COX5B: variants seen among roughly 807,000 people sequenced by gnomAD.
COX5B encodes cytochrome c oxidase subunit 5B, mitochondrial.
A neutral mutation model predicts 16.2 loss-of-function variants in COX5B; 8 were observed. The ratio of observed to expected loss-of-function variants is 0.49; its 90% CI spans 0.29 to 0.89. COX5B has a LOEUF of 0.89. COX5B is among the 40% of genes least tolerant of loss of function. COX5B has a pLI of 0.08. For missense variants in COX5B, 161 were observed against 168.7 expected, an observed-to-expected ratio of 0.95 and a Z score of 0.25; for synonymous variants, 65 against 67.6, an observed-to-expected ratio of 0.96 and a Z score of 0.19.
Position 97,648,338 on chromosome 2 carries a change from A to C in COX5B, c.*230A>C. The C allele has an allele frequency of 2.2e-6, 1 of 449,880 alleles. No individual in the cohort carries two copies. The allele number at this position is 449,880 out of a possible 1,614,324, so 27.9% of individuals were successfully genotyped here. Reference sequence around the variant, plus strand: ...TATAGTGCTTAGATTAATAATAAGAATAGATCGACAACCCGTAATGCAATG... The same window carrying C: ...TATAGTGCTTAGATTAATAATAAGACTAGATCGACAACCCGTAATGCAATG... On this transcript the variant is annotated 3_prime_UTR_variant, in exon 4 of 4. Coordinates refer to ENST00000258424, the MANE Select transcript of COX5B (RefSeq NM_001862.3).
In COX5B at chr2:97,647,450, A is replaced by G. The variant is rs375680812; in HGVS notation, c.277+7A>G. ...AGAATAGTAGGCTGCATCTGTAAGT[A>G]CCTCACCTCTATTTTTTATCCACTT... On this transcript the variant is annotated splice_region_variant and intron_variant, in intron 3 of 3. Transcript: ENST00000258424. 6 of 1,602,148 alleles carry G rather than the reference A, an allele frequency of 3.7e-6. No individual in the cohort carries two copies. Among genetic ancestry groups the G allele is most frequent in the Non-Finnish European group, 5.1e-6 (6 of 1,170,624 alleles).
At chr2:97,647,280 T>G in intron 2 of COX5B, 64 bp from the exon 3 acceptor site, 8 of 1,552,144 alleles carry the variant, frequency 5.2e-6, no homozygotes, top group Admixed American at 1.7e-5. Flanking sequence ...AGGTAGGGCT[T>G]ATTTGGCCTA....
In COX5B at chr2:97,647,079, C is replaced by G. The variant is rs763615318; in HGVS notation, c.116C>G (p.Thr39Ser). The change falls in exon 2 of 4, where the codon ACT becomes AGT. Residue 39 changes from threonine to serine, a missense_variant. Physicochemically the swap from Thr to Ser is moderately conservative, Grantham distance 58. Transcript: ENST00000258424. ...TATCTTCCTTTAGGTGGTGTTCCCA[C>G]TGATGAAGAGCAGGCGACTGGGTTG... ...RSMASGGGVP[T>S]DEEQATGLER... 3.8e-5 allele frequency: 62 copies of G among 1,613,982 alleles called. No individual in the cohort carries two copies. Among genetic ancestry groups the G allele is most frequent in the Non-Finnish European group, 5.2e-5 (61 of 1,180,002 alleles).
chr2:97,648,261 C>T lies in COX5B; in HGVS notation c.*153C>T. The T allele has an allele frequency of 1.5e-6, 1 of 676,392 alleles. No homozygotes were observed. Among genetic ancestry groups the T allele is most frequent in the Non-Finnish European group, 2.5e-6 (1 of 407,162 alleles). 41.9% of individuals were successfully genotyped at this position (676,392 alleles called of 1,614,324 possible). A position where few individuals can be genotyped will look rare whatever the true frequency, so the allele number is the denominator to read the frequency against. On this transcript the variant is annotated 3_prime_UTR_variant, in exon 4 of 4. Coordinates refer to ENST00000258424, the MANE Select transcript of COX5B (RefSeq NM_001862.3). ...TGGAATATGCTTATTTTGGGAAAAGCTGTCTGTTAATGCTAGCTTGCCATC... is the reference window on the plus strand; with the variant it reads ...TGGAATATGCTTATTTTGGGAAAAGTTGTCTGTTAATGCTAGCTTGCCATC...
chr2:97,647,533 A>C (rs988308254), intron 3 of COX5B, 90 bp downstream of exon 3: 5 of 1,120,726 alleles, frequency 4.5e-6, no homozygotes, highest in Admixed American at 2.0e-5. Flanking sequence ...GTGTGAGTGC[A>C]TGTTGGTAAG....
intron 2 of COX5B, 29 bp downstream of exon 2, chr2:97,647,169 T>G (rs1370634197): frequency 4.4e-6 from 7 of 1,608,868 alleles, no homozygotes; most frequent in Non-Finnish European, 5.1e-6. Context: ...CTGTGTCTTC[T>G]GTGTAACTTA....
At position 97,646,171 on chromosome 2, in the gene COX5B, C is replaced by A. The variant is rs901806223; in HGVS notation, c.85C>A (p.Arg29Ser). Residue 29 changes from arginine (R) to serine (S), a missense_variant, in exon 1 of 4, where the codon CGC (arginine) becomes AGC (serine). Physicochemically the swap from Arg to Ser is moderately radical, Grantham distance 110. Transcript: ENST00000258424. ...CGGCCCCAGTGGCGCGGCCGCGATG[C>A]GCTCCATGGCATCTGGAGGTACTCG... ...ARGPSGAAAM[R>S]SMASGGGVPT... The A allele has an allele frequency of 7.7e-6, 12 of 1,548,998 alleles. No homozygotes were observed. Among genetic ancestry groups the A allele is most frequent in the Non-Finnish European group, 2.6e-6 (3 of 1,145,700 alleles).
chr2:97,647,331 G>GT lies in COX5B; in HGVS notation c.178-7dup, dbSNP rs886891653. The GT allele has an allele frequency of 1.9e-6, 3 of 1,601,796 alleles. No homozygotes were observed. Among genetic ancestry groups the GT allele is most frequent in the Admixed American group, 1.8e-5 (1 of 57,098 alleles). On this transcript the variant is annotated splice_polypyrimidine_tract_variant and intron_variant, in intron 2 of 3. Transcript: ENST00000258424. Reference sequence around the variant, plus strand: ...TTTTTTTTGTTTTGTTTTGTTTTTTGTTTTTTCTTCAGGACCCATACAATG... The same window carrying GT: ...TTTTTTTTGTTTTGTTTTGTTTTTTGTTTTTTTCTTCAGGACCCATACAATG...
At position 97,646,076 on chromosome 2, in the gene COX5B, T is replaced by G; in HGVS notation, c.-11T>G. 6.4e-7 allele frequency: 1 copy of G among 1,551,018 alleles called. No individual in the cohort carries two copies. The highest frequency in any genetic ancestry group is 8.7e-7 in the Non-Finnish European group (1 of 1,145,996). On this transcript the variant is annotated 5_prime_UTR_variant, in exon 1 of 4. Coordinates refer to ENST00000258424, the MANE Select transcript of COX5B (RefSeq NM_001862.3). ...TTGTTCCCGGAAGTTTTGCTGCTAG[T>G]CGCGGACGCAATGGCTTCAAGGTTA... is the stretch of plus-strand genomic sequence containing the variant.
Position 97,647,978 on chromosome 2 carries a change from AC to A in COX5B, c.278-16del. ...TTTCTAGGTTGGATGACCATAAACC[AC>A]CTTTTTTCCCTTTTAGGTGAAGAGG... On this transcript the variant is annotated splice_polypyrimidine_tract_variant and intron_variant, in intron 3 of 3. Coordinates refer to ENST00000258424, the MANE Select transcript of COX5B (RefSeq NM_001862.3). 6.2e-7 allele frequency: 1 copy of A among 1,611,044 alleles called. No homozygotes were observed. Among genetic ancestry groups the A allele is most frequent in the Non-Finnish European group, 8.5e-7 (1 of 1,178,596 alleles).
Position 97,646,101 on chromosome 2 carries a change from A to G in COX5B, c.15A>G (p.Leu5=). Residue 5 remains leucine, a synonymous_variant, in exon 1 of 4, where the codon TTA becomes TTG. Coordinates refer to ENST00000258424, the MANE Select transcript of COX5B (RefSeq NM_001862.3). MASR[L]LRGAGTLAAQ... Reference sequence around the variant, plus strand: ...TCGCGGACGCAATGGCTTCAAGGTTACTTCGCGGAGCTGGAACGCTGGCCG... The same window carrying G: ...TCGCGGACGCAATGGCTTCAAGGTTGCTTCGCGGAGCTGGAACGCTGGCCG... 1 of 1,556,172 alleles carries G rather than the reference A, an allele frequency of 6.4e-7. No homozygotes were observed. The highest frequency in any genetic ancestry group is 2.4e-5 in the East Asian group (1 of 41,288).
intron 1 of COX5B, chr2:97,646,507 A>C (rs1674656353): frequency 9.2e-6 from 3 of 325,648 alleles, no homozygotes; most frequent in Non-Finnish European, 1.7e-5. Context: ...TGGGTTCTAC[A>C]TGCTTTTAGA....
Position 97,647,406 on chromosome 2 carries a change from C to T in COX5B, c.240C>T (p.Val80=), listed in dbSNP as rs1012294517. ...ASGTREDPNL[V]PSISNKRIVG... ...GCACCAGGGAAGACCCTAATTTAGTCCCCTCCATCTCCAACAAGAGAATAG... is the reference window on the plus strand; with the variant it reads ...GCACCAGGGAAGACCCTAATTTAGTTCCCTCCATCTCCAACAAGAGAATAG... Residue 80 remains valine, a synonymous_variant, in exon 3 of 4, where the codon GTC becomes GTT. Coordinates refer to ENST00000258424, the MANE Select transcript of COX5B (RefSeq NM_001862.3). 7 of 1,613,988 alleles carry T rather than the reference C, an allele frequency of 4.3e-6. No individual in the cohort carries two copies. In the Middle Eastern group the frequency reaches 4.9e-4, roughly 114 times the overall value.
chr2:97,647,305 G>T (rs750051222), intron 2 of COX5B, 39 bp from the exon 3 acceptor site: 3 of 1,586,678 alleles, frequency 1.9e-6, no homozygotes, highest in African/African-American at 1.4e-5. Context: ...TTCAATTCTT[G>T]TTTTTTTTGT....
intron 2 of COX5B, 84 bp downstream of exon 2, chr2:97,647,224 G>A: frequency 1.3e-6 from 2 of 1,542,584 alleles, no homozygotes; most frequent in East Asian, 2.2e-5. Context: ...GGGAGTATTT[G>A]ATACAGGAAA....
intron 1 of COX5B, chr2:97,646,489 A>C: frequency 2.6e-6 from 1 of 383,892 alleles, no homozygotes. Flanking sequence ...CGCCCACCTC[A>C]AGCAGAGTGG....
intron 1 of COX5B, chr2:97,646,568 C>T: frequency 4.6e-6 from 1 of 217,344 alleles, no homozygotes; most frequent in Non-Finnish European, 9.3e-6. Context: ...AGCTCATAGG[C>T]CGGGCGCGGT....
intron 1 of COX5B, chr2:97,646,773 G>T (rs1573173925): frequency 6.9e-6 from 2 of 289,398 alleles, no homozygotes; most frequent in South Asian, 7.0e-5. Context: ...GCTTAAACCC[G>T]GGAGGCGGAG....
At chr2:97,647,565 T>C in intron 3 of COX5B, 122 bp downstream of exon 3, 2 of 829,314 alleles carry the variant, frequency 2.4e-6, no homozygotes, top group South Asian at 1.6e-5. Flanking sequence ...GTCTTGACAC[T>C]CTCAAGCCTC....
Sources: gnomAD v4.1 joint callset for allele counts on GRCh38, gnomAD v4.1.1 for gene constraint, MANE v1.5 for transcripts, NCBI Gene and HGNC (gene_info 2026-07-23, HGNC 2026-07-21) for gene names.